The following PEX16 variants were observed in gnomAD, a reference collection of about 807,000 sequenced individuals.
PEX16 encodes the protein peroxin 16.
Under a neutral mutation model 50.5 loss-of-function variants are expected in PEX16, and 37 were observed. The ratio of observed to expected loss-of-function variants is 0.73; its 90% confidence interval spans 0.56 to 0.96. PEX16 has a LOEUF of 0.96. Ranked by LOEUF, PEX16 falls within the 40% of genes least tolerant of loss-of-function variation. The probability of loss-of-function intolerance (pLI) is 0.00; values close to 1 mark genes in which losing one functional copy is unlikely to be tolerated. For synonymous variants in PEX16, 185 were observed against 190.3 expected (o/e 0.97, Z 0.23); for missense variants, 401 against 438.3 (o/e 0.91, Z 0.76).
Position 45,913,826 on chromosome 11 carries a change from A to G in PEX16, c.880T>C (p.Phe294Leu). The stretch of plus-strand genomic sequence containing the variant: ...GGTGTCCTGGGTGCTTACTCGGAGA[A>G]GCGGTCATAGAAAGGAGAGCGCAGC... ...YLLRSPFYDRFSEARILFLLQ... is the reference protein window; with the variant it reads ...YLLRSPFYDRLSEARILFLLQ... Residue 294 changes from phenylalanine (F) to leucine (L), a missense_variant, in exon 9 of 11, where the codon TTC becomes CTC. Physicochemically the swap from Phe to Leu is conservative, Grantham distance 22 (BLOSUM62 0). Coordinates refer to ENST00000378750, the MANE Select transcript of PEX16 (RefSeq NM_004813.4). 1 of 1,614,012 alleles carries G rather than the reference A, an allele frequency of 6.2e-7. No homozygotes were observed.
In PEX16 at chr11:45,909,665, T is replaced by G; in HGVS notation, c.*589A>C. Reference sequence around the variant, plus strand: ...GTGCTGGCCAGTGCCCGATGTCCTTTTTCTAAGGGAGAAAAGCCTTTTACT... The same window carrying G: ...GTGCTGGCCAGTGCCCGATGTCCTTGTTCTAAGGGAGAAAAGCCTTTTACT... On this transcript the variant is annotated 3_prime_UTR_variant, in exon 11 of 11. Transcript: ENST00000378750. 1 of 224,088 alleles carries G rather than the reference T, an allele frequency of 4.5e-6. No individual in the cohort carries two copies. The highest frequency in any genetic ancestry group is 2.3e-5 in the African/African-American group (1 of 44,424). 13.9% of individuals were successfully genotyped at this position (224,088 alleles called of 1,614,324 possible). A position where few individuals can be genotyped will look rare whatever the true frequency, so the allele number is the denominator to read the frequency against.
rs978531377 is a variant in PEX16 at position 45,917,372 on chromosome 11, C to G, written c.148+86G>C. ...GTGTCTAACGGGCAGCCCAGGTCCT[C>G]GGGCTGGGGTGCTCACCCTCTCTGG... On this transcript the variant is annotated intron_variant, in intron 2 of 10. Coordinates refer to ENST00000378750, the MANE Select transcript of PEX16 (RefSeq NM_004813.4). 22 of 1,282,074 alleles carry G rather than the reference C, an allele frequency of 1.7e-5. No individual in the cohort carries two copies. The African/African-American group carries it at 3.2e-4, about 19-fold the overall frequency. 79.4% of individuals were successfully genotyped at this position (1,282,074 alleles called of 1,614,324 possible).
In PEX16 at chr11:45,916,908, G is replaced by A; in HGVS notation, c.148+550C>T. ...TGGTCTCGAACTCCTGACCTCACGT[G>A]ATCCACCTGCCTCTGCCTCCCAAAG... On this transcript the variant is annotated intron_variant, in intron 2 of 10. Coordinates refer to ENST00000378750, the MANE Select transcript of PEX16 (RefSeq NM_004813.4). 7.1e-6 allele frequency: 3 copies of A among 423,686 alleles called. No individual in the cohort carries two copies. The East Asian group carries it at 2.1e-4, about 30-fold the overall frequency. 26.2% of individuals were successfully genotyped at this position (423,686 alleles called of 1,614,324 possible). A position where few individuals can be genotyped will look rare whatever the true frequency, so the allele number is the denominator to read the frequency against.
upstream of PEX16, chr11:45,917,885 T>C (rs1348501059): frequency 2.7e-6 from 3 of 1,094,104 alleles, no homozygotes; most frequent in Non-Finnish European, 4.0e-6. Context: ...TGCGCCCTCC[T>C]TCCTGCTTCC....
In PEX16 at chr11:45,917,789, C is replaced by T; in HGVS notation, c.23G>A (p.Gly8Asp). MEKLRLL[G>D]LRYQEYVTRH... ...AGTCACGTACTCCTGGTAGCGGAGGCCCAGGAGCCGCAGCTTCTCCATCCT... is the reference window on the plus strand; with the variant it reads ...AGTCACGTACTCCTGGTAGCGGAGGTCCAGGAGCCGCAGCTTCTCCATCCT... Residue 8 changes from glycine to aspartate, a missense_variant, in exon 1 of 11, where the codon GGC (glycine) becomes GAC (aspartate). Transcript: ENST00000378750. 6.5e-7 allele frequency: 1 copy of T among 1,545,644 alleles called. No homozygotes were observed.
chr11:45,912,993 T>C (rs2134690293), intron 9 of PEX16, among the ~76,000 whole-genome samples: 1 of 49,136 alleles, frequency 2.0e-5, no homozygotes, highest in African/African-American at 4.0e-5. Context: ...TGGCTAATTA[T>C]TATTATTTTT....
Position 45,915,451 on chromosome 11 carries a change from T to C in PEX16, c.460+17A>G, listed in dbSNP as rs1292913105. 1.2e-6 allele frequency: 2 copies of C among 1,602,656 alleles called. No homozygotes were observed. The highest frequency in any genetic ancestry group is 1.7e-5 in the Admixed American group (1 of 60,012). ...CCCATGGCCCATTCCGCTCCAGGGC[T>C]TGGGGAAGTAGCTCACCCGGGGGCT... On this transcript the variant is annotated intron_variant, in intron 5 of 10. Transcript: ENST00000378750.
Position 45,914,643 on chromosome 11 carries a change from C to T in PEX16, c.502G>A (p.Gly168Arg). ...SPGNHEQSYVGKRSNRVVRTL... is the reference protein window; with the variant it reads ...SPGNHEQSYVRKRSNRVVRTL... Reference sequence around the variant, plus strand: ...CGCACCACCCGGTTTGACCGCTTCCCCACGTAGGACTGCTCATGGTTGCCA... The same window carrying T: ...CGCACCACCCGGTTTGACCGCTTCCTCACGTAGGACTGCTCATGGTTGCCA... Residue 168 changes from glycine (G) to arginine (R), a missense_variant, in exon 6 of 11, where the codon GGG (glycine) becomes AGG (arginine). Physicochemically the swap from Gly to Arg is moderately radical, Grantham distance 125. Transcript: ENST00000378750. The T allele has an allele frequency of 6.2e-7, 1 of 1,614,222 alleles. No homozygotes were observed. Among genetic ancestry groups the T allele is most frequent in the Non-Finnish European group, 8.5e-7 (1 of 1,180,042 alleles).
rs777146715 is a variant in PEX16 at position 45,913,866 on chromosome 11, C to A, written c.840G>T (p.Leu280=). Residue 280 remains leucine, a synonymous_variant, in exon 9 of 11, where the codon CTG becomes CTT. Transcript: ENST00000378750. ...GAGAGCGCAGCAGGTAGTAGAGCAG[C>A]AGGATGGTCCGGCGCCGCAGCTCCC... ...ERRELRRRTI[L]LLYYLLRSPF... The A allele has an allele frequency of 1.2e-6, 2 of 1,613,512 alleles. No homozygotes were observed. Among genetic ancestry groups the A allele is most frequent in the Non-Finnish European group, 1.7e-6 (2 of 1,179,954 alleles).
At position 45,910,966 on chromosome 11, in the gene PEX16, G is replaced by C; in HGVS notation, c.888-4C>G. On this transcript the variant is annotated splice_region_variant and splice_polypyrimidine_tract_variant and intron_variant, in intron 9 of 10. Coordinates refer to ENST00000378750, the MANE Select transcript of PEX16 (RefSeq NM_004813.4). ...GAGCAGGAAGAGGATCCTGGCCCTG[G>C]GGGAGGCAATAAATGGGGAGCAAGC... 6.2e-7 allele frequency: 1 copy of C among 1,612,776 alleles called. No homozygotes were observed. The highest frequency in any genetic ancestry group is 8.5e-7 in the Non-Finnish European group (1 of 1,179,624).
At position 45,910,944 on chromosome 11, in the gene PEX16, C is replaced by T; in HGVS notation, c.906G>A (p.Leu302=). The change falls in exon 10 of 11, where the codon CTG becomes CTA. Residue 302 remains leucine, a synonymous_variant. Transcript: ENST00000378750. The part of the protein sequence containing the change: ...DRFSEARILF[L]LQLLADHVPG... ...GGACGTGGTCGGCCAGCAACTGGAG[C>T]AGGAAGAGGATCCTGGCCCTGGGGG... 1.9e-6 allele frequency: 3 copies of T among 1,613,450 alleles called. No individual in the cohort carries two copies. The highest frequency in any genetic ancestry group is 2.5e-6 in the Non-Finnish European group (3 of 1,179,970).
At position 45,916,696 on chromosome 11, in the gene PEX16, T is replaced by A. The variant is rs370240820; in HGVS notation, c.149-393A>T. Among the ~76,000 whole-genome samples, 62 of 152,206 alleles carry A rather than the reference T, an allele frequency of 4.1e-4. No homozygotes were observed. The South Asian group carries it at 0.012, about 31-fold the overall frequency. ...CACTTTTCTTTTTTCTGAGTCGGAGTTTCACTCTTGTTGCCCAGGCTGGAG... is the reference window on the plus strand; with the variant it reads ...CACTTTTCTTTTTTCTGAGTCGGAGATTCACTCTTGTTGCCCAGGCTGGAG... On this transcript the variant is annotated intron_variant, in intron 2 of 10. Transcript: ENST00000378750.
chr11:45,910,706 C>T (rs964805380), intron 10 of PEX16, among the ~76,000 whole-genome samples, 192 bp downstream of exon 10: 3 of 152,248 alleles, frequency 2.0e-5, no homozygotes, highest in Non-Finnish European at 4.4e-5. Flanking sequence ...TGGACACCCT[C>T]CTTCCAGCCA....
chr11:45,910,798 G>T, intron 10 of PEX16, 100 bp downstream of exon 10: 1 of 1,143,058 alleles, frequency 8.7e-7, no homozygotes, highest in Non-Finnish European at 1.3e-6. Context: ...TCTCCTGACT[G>T]TGCCAAGAAT....
chr11:45,912,818 G>T (rs921507748), intron 9 of PEX16, among the ~76,000 whole-genome samples: 7 of 144,928 alleles, frequency 4.8e-5, no homozygotes, highest in Admixed American at 6.9e-5. Flanking sequence ...TGCCAGTTTT[G>T]TTTTTTTTTT....
chr11:45,912,818 GT>G (rs944414667), intron 9 of PEX16, among the ~76,000 whole-genome samples: 11 of 144,868 alleles, frequency 7.6e-5, no homozygotes, highest in East Asian at 4.0e-4. Context: ...TGCCAGTTTT[GT>G]TTTTTTTTTT....
chr11:45,916,300 T>C lies in PEX16; in HGVS notation c.152A>G (p.Tyr51Cys). Residue 51 changes from tyrosine to cysteine, a missense_variant, in exon 3 of 11, where the codon TAC (tyrosine) becomes TGC (cysteine). Tyr to Cys is a radical substitution (Grantham distance 194). Transcript: ENST00000378750. The part of the protein sequence containing the change: ...ADSHELSELV[Y>C]SASNLLVLLN... ...CAGCACAAGCAGGTTAGAGGCAGAG[T>C]ACACTGAGGGGTAGAGAGTGGCCTT... 1 of 1,613,466 alleles carries C rather than the reference T, an allele frequency of 6.2e-7. No homozygotes were observed. The highest frequency in any genetic ancestry group is 1.1e-5 in the South Asian group (1 of 91,078).
intron 9 of PEX16, 149 bp downstream of exon 9, chr11:45,913,670 G>A: frequency 1.2e-6 from 1 of 861,236 alleles, no homozygotes; most frequent in Non-Finnish European, 1.9e-6. Context: ...GCGGGACTGG[G>A]CTGGCATCTG....
intron 9 of PEX16, chr11:45,912,030 A>C (rs2086784053): frequency 6.6e-6 from 1 of 151,800 alleles, no homozygotes; most frequent in Non-Finnish European, 1.5e-5. Context: ...GTCCCAAAAA[A>C]CAAAAGAAAA....
Sources: gnomAD v4.1 joint callset for allele counts (sites outside exome capture counted in the v4.1 genomes callset) on GRCh38, gnomAD v4.1.1 for gene constraint, MANE v1.5 for transcripts, NCBI Gene and HGNC (gene_info 2026-07-23, HGNC 2026-07-21) for gene names.